The following MTERF3 variants were observed in gnomAD, a reference collection of about 807,000 sequenced individuals.
The protein encoded by MTERF3 is mitochondrial transcription termination factor 3.
Under a neutral mutation model 40.5 loss-of-function variants are expected in MTERF3, and 40 were observed. That is an observed-to-expected ratio of 0.99 (90% CI 0.77 to 1.29). The LOEUF (loss-of-function observed/expected upper bound fraction) is 1.29, where lower values mean the gene tolerates loss of function less well. Ranked by LOEUF, MTERF3 falls within the 50% of genes most tolerant of loss-of-function variation. The pLI is 0.00. For synonymous variants in MTERF3, 158 were observed against 166.6 expected, an observed-to-expected ratio of 0.95 and a Z score of 0.40; for missense variants, 452 against 478.2, an observed-to-expected ratio of 0.95 and a Z score of 0.51.
At chr8:96,247,772 C>T (rs1810049017) in intron 4 of MTERF3, among the ~76,000 whole-genome samples, 1 of 151,910 alleles carries the variant, frequency 6.6e-6, no homozygotes, top group East Asian at 1.9e-4. Context: ...CAAAACAAAA[C>T]AAAAACACCC....
chr8:96,251,426 A>G lies in MTERF3; in HGVS notation c.488-331T>C, dbSNP rs575031942. On this transcript the variant is annotated intron_variant, in intron 3 of 7. Transcript: ENST00000287025. ...CAGAATGTTTGTCAGTCCCAGATGA[A>G]CCCCACAGTAACTGGTAATTCTGCA... Among the ~76,000 whole-genome samples, 20 of 152,328 alleles carry G rather than the reference A, an allele frequency of 1.3e-4. No individual in the cohort carries two copies. The South Asian group carries it at 4.1e-3, about 32-fold the overall frequency.
rs1286232992 is a variant in MTERF3, at chr8:96,243,999, T to G, written c.979A>C (p.Lys327Gln). ...TRIPKMLTAN[K>Q]MKLTETFDFV... ...TCAAACGTCTCGGTAAGTTTCATTT[T>G]ATTTGCAGTTAACATCTTTGGGATT... Residue 327 changes from lysine (K) to glutamine (Q), a missense_variant, in exon 7 of 8, where the codon AAA (lysine) becomes CAA (glutamine). Lys to Gln is a moderately conservative substitution (Grantham distance 53). Coordinates refer to ENST00000287025, the MANE Select transcript of MTERF3 (RefSeq NM_015942.5). 2.5e-6 allele frequency: 4 copies of G among 1,614,142 alleles called. No homozygotes were observed. In the Admixed American group the frequency reaches 6.7e-5, roughly 27 times the overall value.
intron 2 of MTERF3, chr8:96,258,048 T>A (rs1253018733): frequency 5.7e-6 from 1 of 174,358 alleles, no homozygotes; most frequent in Non-Finnish European, 1.1e-5. Flanking sequence ...TTTTACTTGA[T>A]ATAATTATAC....
intron 7 of MTERF3, among the ~76,000 whole-genome samples, chr8:96,242,756 G>A (rs1187213373): frequency 6.6e-6 from 1 of 152,080 alleles, no homozygotes; most frequent in Non-Finnish European, 1.5e-5. Flanking sequence ...ATCATATAAA[G>A]CAATTCTATT....
At chr8:96,250,867 A>T in intron 4 of MTERF3, 39 bp downstream of exon 4, 1 of 1,531,132 alleles carries the variant, frequency 6.5e-7, no homozygotes, top group Non-Finnish European at 8.9e-7. Flanking sequence ...CTTCATAACC[A>T]CTTCTTAGGT....
chr8:96,251,136 G>A (rs1435545985), intron 3 of MTERF3, 41 bp from the exon 4 acceptor site: 2 of 1,487,728 alleles, frequency 1.3e-6, no homozygotes, highest in Non-Finnish European at 1.8e-6. Context: ...TGACTTCTTA[G>A]TTCACCCATT....
chr8:96,249,900 C>G (rs1810092232), intron 4 of MTERF3, among the ~76,000 whole-genome samples: 1 of 152,130 alleles, frequency 6.6e-6, no homozygotes, highest in Non-Finnish European at 1.5e-5. Flanking sequence ...ACCAGTATTT[C>G]TGAGTTGGGC....
At chr8:96,254,212 G>C (rs1810240742) in intron 3 of MTERF3, among the ~76,000 whole-genome samples, 2 of 152,184 alleles carry the variant, frequency 1.3e-5, no homozygotes, top group African/African-American at 4.8e-5. Flanking sequence ...TGTATACATA[G>C]TGGAACGATT....
chr8:96,241,683 G>C (rs577163052), intron 7 of MTERF3, among the ~76,000 whole-genome samples: 1 of 152,094 alleles, frequency 6.6e-6, no homozygotes, highest in Non-Finnish European at 1.5e-5. Context: ...GTGGTGGTGT[G>C]GGGGGAGAGT....
At chr8:96,258,222 C>T in intron 2 of MTERF3, 135 bp downstream of exon 2, 1 of 1,379,642 alleles carries the variant, frequency 7.2e-7, no homozygotes, top group Non-Finnish European at 9.4e-7. Context: ...AGAAGTTCAT[C>T]AATAGAACTG....
chr8:96,242,682 T>C (rs1410398850), intron 7 of MTERF3, among the ~76,000 whole-genome samples: 2 of 152,238 alleles, frequency 1.3e-5, no homozygotes, highest in African/African-American at 4.8e-5. Flanking sequence ...CAATTGCTGT[T>C]ATTACTTCTA....
intron 2 of MTERF3, among the ~76,000 whole-genome samples, chr8:96,257,973 CAGT>C (rs1358874199): frequency 6.6e-6 from 1 of 152,096 alleles, no homozygotes; most frequent in African/African-American, 2.4e-5. Context: ...TTGTTGATTG[CAGT>C]AGTTCTTACA....
At position 96,245,878 on chromosome 8, in the gene MTERF3, G is replaced by A. The variant is rs369638814; in HGVS notation, c.879C>T (p.Pro293=). The change falls in exon 6 of 8, where the codon CCC becomes CCT. Residue 293 remains proline, a synonymous_variant. Transcript: ENST00000287025. ...LPRLLTGSLE[P]VKENMKVYRL... ...GTCCTACCTTCATATTTTCTTTCAC[G>A]GGTTCCAGACTTCCAGTTAGCAGCC... 39 of 1,613,602 alleles carry A rather than the reference G, an allele frequency of 2.4e-5. No homozygotes were observed. In the African/African-American group the frequency reaches 2.8e-4, roughly 12 times the overall value.
chr8:96,240,539 T>C (rs1809908150), intron 7 of MTERF3, among the ~76,000 whole-genome samples: 1 of 152,174 alleles, frequency 6.6e-6, no homozygotes, highest in Non-Finnish European at 1.5e-5. Context: ...AAAGTATGTC[T>C]TACCTGCCTC....
At chr8:96,260,587 T>G (rs1810365251) in intron 1 of MTERF3, among the ~76,000 whole-genome samples, 1 of 152,176 alleles carries the variant, frequency 6.6e-6, no homozygotes, top group Non-Finnish European at 1.5e-5. Flanking sequence ...TACTTCAAAC[T>G]CCTGAAATCC....
intron 1 of MTERF3, 127 bp from the exon 2 acceptor site, chr8:96,258,827 TA>T: frequency 2.8e-6 from 2 of 704,164 alleles, no homozygotes; most frequent in Non-Finnish European, 4.5e-6. Flanking sequence ...TGTTTAAATA[TA>T]TATTTAGTCT....
intron 7 of MTERF3, among the ~76,000 whole-genome samples, chr8:96,240,710 G>C (rs778250399): frequency 2.0e-5 from 3 of 152,164 alleles, no homozygotes; most frequent in Admixed American, 6.5e-5. Context: ...GAGGTTCCCC[G>C]ATGAGGCTCA....
At position 96,259,244 on chromosome 8, in the gene MTERF3, C is replaced by T. The variant is rs145175153; in HGVS notation, c.-10-544G>A. Among the ~76,000 whole-genome samples, 761 of 152,272 alleles carry T rather than the reference C, an allele frequency of 5.0e-3. 4 individuals carry two copies. The highest frequency in any genetic ancestry group is 0.015 in the African/African-American group (617 of 41,564). ...TCATCAAAATATTATCATTGATATACAGAACAGTGAAAGCAGTTTCTTGCT... is the reference window on the plus strand; with the variant it reads ...TCATCAAAATATTATCATTGATATATAGAACAGTGAAAGCAGTTTCTTGCT... On this transcript the variant is annotated intron_variant, in intron 1 of 7. Coordinates refer to ENST00000287025, the MANE Select transcript of MTERF3 (RefSeq NM_015942.5).
chr8:96,241,404 A>G (rs1809926648), intron 7 of MTERF3, among the ~76,000 whole-genome samples: 1 of 151,202 alleles, frequency 6.6e-6, no homozygotes, highest in East Asian at 1.9e-4. Context: ...GCCAGACTCC[A>G]TCGCAAAAAA....
Sources: allele counts gnomAD v4.1 joint callset (sites outside exome capture counted in the v4.1 genomes callset), GRCh38; gene constraint gnomAD v4.1.1; transcripts MANE v1.5; gene names NCBI Gene and HGNC (gene_info 2026-07-23, HGNC 2026-07-21).